The following ERI1 variants were observed in gnomAD, a reference collection of about 807,000 sequenced individuals.
The protein encoded by ERI1 is 3'-5' exoribonuclease 1.
In ERI1, 39 loss-of-function variants were observed where a neutral mutation model predicts 39.7. The ratio of observed to expected loss-of-function variants is 0.98; its 90% CI spans 0.76 to 1.28. The LOEUF (loss-of-function observed/expected upper bound fraction) is 1.28. Among genes scored for constraint, ERI1 ranks in the 50% most tolerant of loss-of-function variants. The probability of loss-of-function intolerance (pLI) is 0.00; values close to 1 mark genes in which losing one functional copy is unlikely to be tolerated. For synonymous variants in ERI1, 204 were observed against 149.6 expected, an observed-to-expected ratio of 1.36 and a Z score of -2.65; for missense variants, 581 against 416.9, an observed-to-expected ratio of 1.39 and a Z score of -3.43.
intron 3 of ERI1, among the ~76,000 whole-genome samples, chr8:9,014,658 G>A (rs929906968): frequency 2.6e-5 from 4 of 152,066 alleles, no homozygotes; most frequent in Non-Finnish European, 5.9e-5. Flanking sequence ...TAGTACTACC[G>A]AATTATAATT....
At chr8:9,097,848 A>G (rs77943819) in intron 3 of ERI1, among the ~76,000 whole-genome samples, 1 of 152,186 alleles carries the variant, frequency 6.6e-6, no homozygotes, top group African/African-American at 2.4e-5. Flanking sequence ...GTTAATTAAA[A>G]AAAAATGCTT....
chr8:9,073,249 C>T (rs1263456338), intron 3 of ERI1, among the ~76,000 whole-genome samples: 1 of 152,210 alleles, frequency 6.6e-6, no homozygotes, highest in Non-Finnish European at 1.5e-5. Flanking sequence ...TCTTAACCAC[C>T]ACATAGTAGC....
At chr8:9,062,294 G>T (rs543713527) in intron 3 of ERI1, among the ~76,000 whole-genome samples, 8 of 152,042 alleles carry the variant, frequency 5.3e-5, no homozygotes, top group East Asian at 2.0e-4. Flanking sequence ...TTAAGGTGCG[G>T]GGATACGAGA....
chr8:9,044,131 T>C (rs1386389993), intron 3 of ERI1, among the ~76,000 whole-genome samples: 1 of 152,330 alleles, frequency 6.6e-6, no homozygotes, highest in Non-Finnish European at 1.5e-5. Flanking sequence ...GGATATCATC[T>C]GAATTATGGG....
chr8:9,027,114 C>T (rs1027439472), intron 6 of ERI1, among the ~76,000 whole-genome samples: 2 of 149,714 alleles, frequency 1.3e-5, no homozygotes, highest in Non-Finnish European at 3.0e-5. Flanking sequence ...CTCCACATCT[C>T]TGTCAATGCT....
downstream of ERI1, among the ~76,000 whole-genome samples, chr8:9,036,684 A>G (rs1179509397): frequency 1.3e-5 from 2 of 152,068 alleles, no homozygotes; most frequent in African/African-American, 4.8e-5. Context: ...AGTTTAGAAT[A>G]CAAGTCATTT....
intron 3 of ERI1, among the ~76,000 whole-genome samples, chr8:9,066,058 C>G (rs757205465): frequency 2.0e-5 from 3 of 152,138 alleles, no homozygotes; most frequent in Admixed American, 2.0e-4. Flanking sequence ...TTTGCGATAT[C>G]AACACCACTA....
Position 9,008,029 on chromosome 8 carries a change from C to G in ERI1, c.168C>G (p.Ser56=). ...QETKGSKFIT[S]SASDFSDPVY... ...CAAAAGGATCCAAGTTCATTACCTC[C>G]AGTGCGAGTGACTTCAGTGACCCGG... The change falls in exon 2 of 7, where the codon TCC becomes TCG. Residue 56 remains serine (S), a synonymous_variant. Transcript: ENST00000250263. 6.3e-7 allele frequency: 1 copy of G among 1,599,392 alleles called. No individual in the cohort carries two copies. Among genetic ancestry groups the G allele is most frequent in the Non-Finnish European group, 8.5e-7 (1 of 1,177,034 alleles).
intron 3 of ERI1, among the ~76,000 whole-genome samples, chr8:9,038,713 A>G (rs1258603623): frequency 6.6e-6 from 1 of 152,182 alleles, no homozygotes; most frequent in Non-Finnish European, 1.5e-5. Flanking sequence ...ACGGAGATCT[A>G]TTTATTGTGA....
At chr8:9,038,163 C>T (rs1478015137), downstream of ERI1, among the ~76,000 whole-genome samples, 1 of 152,198 alleles carries the variant, frequency 6.6e-6, no homozygotes, top group Non-Finnish European at 1.5e-5. Flanking sequence ...GTACCATCAT[C>T]TGCATAGAAA....
Position 9,030,642 on chromosome 8 carries a change from C to G in ERI1, c.*608C>G, listed in dbSNP as rs1369002589. The G allele has an allele frequency of 6.6e-6, 1 of 152,356 alleles. No individual in the cohort carries two copies. The highest frequency in any genetic ancestry group is 1.5e-5 in the Non-Finnish European group (1 of 68,184). 9.4% of individuals were successfully genotyped at this position (152,356 alleles called of 1,614,324 possible). On this transcript the variant is annotated 3_prime_UTR_variant, in exon 7 of 7. Coordinates refer to ENST00000250263, the MANE Select transcript of ERI1 (RefSeq NM_153332.4). The stretch of plus-strand genomic sequence containing the variant: ...TAGGGTTTGGTTAAAAATCCAGTTA[C>G]TGAAGGAATTAATGAAAACGTAGAA...
At chr8:9,090,895 G>C (rs917782481) in intron 3 of ERI1, among the ~76,000 whole-genome samples, 8 of 152,014 alleles carry the variant, frequency 5.3e-5, no homozygotes, top group African/African-American at 1.7e-4. Context: ...ATGAAATTTG[G>C]GGTAATATTT....
chr8:9,059,028 G>C (rs147345030), intron 3 of ERI1, among the ~76,000 whole-genome samples: 3,155 of 152,164 alleles, frequency 0.021, 117 homozygotes, highest in East Asian at 0.18. Flanking sequence ...AAGGGAGATA[G>C]GGGTGGGGCC....
intron 3 of ERI1, among the ~76,000 whole-genome samples, chr8:9,051,119 C>G (rs1230944803): frequency 2.0e-5 from 3 of 151,828 alleles, no homozygotes; most frequent in East Asian, 3.9e-4. Context: ...AATTATATTA[C>G]TTTCCCATAG....
At chr8:9,050,368 G>A (rs1798317570) in intron 3 of ERI1, among the ~76,000 whole-genome samples, 4 of 152,078 alleles carry the variant, frequency 2.6e-5, no homozygotes, top group South Asian at 4.1e-4. Flanking sequence ...TTAGCTGAGC[G>A]TGGTGGCACA....
chr8:9,051,621 C>T (rs1055271269), intron 3 of ERI1, among the ~76,000 whole-genome samples: 1 of 151,374 alleles, frequency 6.6e-6, no homozygotes, highest in Non-Finnish European at 1.5e-5. Flanking sequence ...TGTACCACTG[C>T]ACTCCAGGCT....
intron 3 of ERI1, among the ~76,000 whole-genome samples, chr8:9,040,370 G>C (rs1441661128): frequency 6.6e-6 from 1 of 152,178 alleles, no homozygotes; most frequent in Non-Finnish European, 1.5e-5. Context: ...GCTGACTTGA[G>C]ACTTTCCGGG....
At chr8:9,009,674 G>C (rs930396995) in intron 2 of ERI1, among the ~76,000 whole-genome samples, 1 of 152,046 alleles carries the variant, frequency 6.6e-6, no homozygotes, top group Non-Finnish European at 1.5e-5. Context: ...TGAGTAGCTC[G>C]GATTACAGGC....
chr8:9,008,686 TATACAC>T (rs1489441272), intron 2 of ERI1, among the ~76,000 whole-genome samples: 1 of 152,232 alleles, frequency 6.6e-6, no homozygotes, highest in Non-Finnish European at 1.5e-5. Flanking sequence ...TTTAATGAGA[TATACAC>T]ATACCTAAGT....
Sources: allele counts gnomAD v4.1 joint callset (sites outside exome capture counted in the v4.1 genomes callset), GRCh38; gene constraint gnomAD v4.1.1; transcripts MANE v1.5; gene names NCBI Gene and HGNC (gene_info 2026-07-23, HGNC 2026-07-21).